The following HSD11B1L variants were observed in gnomAD, a reference collection of about 807,000 sequenced individuals.
HSD11B1L encodes hydroxysteroid 11-beta-dehydrogenase 1-like protein.
Under a neutral mutation model 27.0 loss-of-function variants are expected in HSD11B1L, and 22 were observed. The observed-to-expected ratio is 0.81, with a 90% confidence interval of 0.58 to 1.16. The LOEUF is 1.16. HSD11B1L is among the 50% of genes most tolerant of loss of function. HSD11B1L has a pLI of 0.00. For synonymous variants in HSD11B1L, 187 were observed against 189.2 expected (o/e 0.99, Z 0.09); for missense variants, 372 against 401.8 (o/e 0.93, Z 0.63).
chr19:5,682,683 A>G (rs1438823800), intron 1 of HSD11B1L, among the ~76,000 whole-genome samples: 1 of 152,018 alleles, frequency 6.6e-6, no homozygotes, highest in Non-Finnish European at 1.5e-5. Flanking sequence ...CACCCAGAAG[A>G]CAGCAGAGGC....
In HSD11B1L at chr19:5,683,617, C is replaced by G. The variant is rs191800245; in HGVS notation, c.-14-1202C>G. 2.0e-5 allele frequency among the ~76,000 whole-genome samples: 3 copies of G among 152,296 alleles called. No homozygotes were observed. In the East Asian group the frequency reaches 5.8e-4, roughly 29 times the overall value. On this transcript the variant is annotated intron_variant, in intron 1 of 7. Transcript: ENST00000339423. The stretch of plus-strand genomic sequence containing the variant: ...AGTAACAAATGGTCCTTGGGCTGGG[C>G]ACGGTGGTTCACACCTGTAATCCCA...
Position 5,685,187 on chromosome 19 carries a change from A to G in HSD11B1L, c.204+68A>G. On this transcript the variant is annotated intron_variant, in intron 3 of 7. Transcript: ENST00000339423. This position sits in a 1 kb window ranked among gnomAD's most constrained non-coding sequence, Gnocchi z 4.3. The stretch of plus-strand genomic sequence containing the variant: ...GGGGGTGGGAAGAGAGCCTGGGTTT[A>G]ATCCCTGCAATGATCCAGGCTTCCC... The G allele has an allele frequency of 1.3e-6, 2 of 1,515,284 alleles. No homozygotes were observed. Among genetic ancestry groups the G allele is most frequent in the South Asian group, 2.4e-5 (2 of 83,636 alleles). 93.9% of individuals were successfully genotyped at this position (1,515,284 alleles called of 1,614,324 possible).
Position 5,687,417 on chromosome 19 carries a change from G to A in HSD11B1L, c.502+42G>A, listed in dbSNP as rs1599429628. 2.5e-6 allele frequency: 4 copies of A among 1,604,918 alleles called. 1 individual carries two copies. The South Asian group carries it at 3.3e-5, about 13-fold the overall frequency. On this transcript the variant is annotated intron_variant, in intron 6 of 7. Transcript: ENST00000339423. This position sits in a 1 kb window ranked among gnomAD's most constrained non-coding sequence, Gnocchi z 6.6. ...CCGGCTCTGCGGGACGGGGAGTGGGGAGCTCGATGCGGGTGAGCCTGGAGG... is the reference window on the plus strand; with the variant it reads ...CCGGCTCTGCGGGACGGGGAGTGGGAAGCTCGATGCGGGTGAGCCTGGAGG...
intron 1 of HSD11B1L, among the ~76,000 whole-genome samples, chr19:5,681,568 A>G (rs2054547301): frequency 6.6e-6 from 1 of 150,594 alleles, no homozygotes; most frequent in Admixed American, 6.6e-5. Flanking sequence ...CCTTCCACTC[A>G]TCCATCTGTC....
chr19:5,686,618 A>C, intron 4 of HSD11B1L, 91 bp downstream of exon 4: 2 of 1,005,600 alleles, frequency 2.0e-6, no homozygotes, highest in African/African-American at 1.6e-5. Flanking sequence ...TGGCCACAGT[A>C]ACAGGTGTCT....
At chr19:5,684,415 A>G in intron 1 of HSD11B1L, 1 of 366,772 alleles carries the variant, frequency 2.7e-6, no homozygotes, top group Non-Finnish European at 4.9e-6. Context: ...ACAGCCCACG[A>G]GAAGGCCCTG....
At position 5,687,639 on chromosome 19, in the gene HSD11B1L, A is replaced by AGATCGCGCCTCCGC. The variant is rs1568302937; in HGVS notation, c.640_653dup (p.Ala219IlefsTer27). ...TCACCATGTGCGTCCTGGGCCTCCG[A>AGATCGCGCCTCCGC]GATCGCGCCTCCGCCGCCGAGGCAG... On this transcript the variant is annotated frameshift_variant, in exon 7 of 8. Coordinates refer to ENST00000339423, the MANE Select transcript of HSD11B1L (RefSeq NM_198706.3). LOFTEE classifies it high-confidence loss of function. The surrounding 1 kb of genome is among the most constrained non-coding windows in gnomAD (Gnocchi z 6.6). 1.3e-6 allele frequency: 2 copies of AGATCGCGCCTCCGC among 1,594,012 alleles called. No homozygotes were observed. The highest frequency in any genetic ancestry group is 8.5e-7 in the Non-Finnish European group (1 of 1,176,122).
intron 4 of HSD11B1L, 108 bp downstream of exon 4, chr19:5,686,635 G>T: frequency 2.3e-6 from 2 of 867,208 alleles, no homozygotes; most frequent in Non-Finnish European, 3.5e-6. Context: ...GTCTCAGGGC[G>T]GAGACAAATG....
intron 1 of HSD11B1L, 134 bp from the exon 2 acceptor site, chr19:5,684,685 C>G: frequency 6.9e-7 from 1 of 1,444,098 alleles, no homozygotes; most frequent in Non-Finnish European, 9.3e-7. Flanking sequence ...CCGTGGTGGC[C>G]TGGACAGGTG....
intron 1 of HSD11B1L, chr19:5,683,904 A>C (rs2054619117): frequency 3.5e-6 from 1 of 286,902 alleles, no homozygotes; most frequent in Non-Finnish European, 6.3e-6. Flanking sequence ...AAAAATAAAA[A>C]AAAATAAAAA....
Position 5,686,488 on chromosome 19 carries a change from G to C in HSD11B1L, c.277G>C (p.Ala93Pro). 6.3e-7 allele frequency: 1 copy of C among 1,585,230 alleles called. No homozygotes were observed. Among genetic ancestry groups the C allele is most frequent in the Non-Finnish European group, 8.6e-7 (1 of 1,167,490 alleles). The change falls in exon 4 of 8, where the codon GCG (alanine) becomes CCG (proline). Residue 93 changes from alanine to proline, a missense_variant. By Grantham distance (27) the Ala-to-Pro change is conservative. Coordinates refer to ENST00000339423, the MANE Select transcript of HSD11B1L (RefSeq NM_198706.3). The stretch of plus-strand genomic sequence containing the variant: ...CGCGGCGGACATGGCCTCCCCTGAG[G>C]CGCCCGAGAGCGTGGTGCAGTTTGC... ...YIAADMASPEAPESVVQFALD... is the reference protein window; with the variant it reads ...YIAADMASPEPPESVVQFALD...
rs774596804 is a variant in HSD11B1L at position 5,687,568 on chromosome 19, GGCTCCCTGCGGCGGGAGCTGGA to G, written c.569_590del (p.Gly190AlafsTer5). ...CAAGTTTGCGCTGGACGGCTTCTTC[GGCTCCCTGCGGCGGGAGCTGGA>G]CGTGCAGGACGTGAACGTGGCCATC... On this transcript the variant is annotated frameshift_variant, in exon 7 of 8. Transcript: ENST00000339423. LOFTEE classifies it high-confidence loss of function. The surrounding 1 kb of genome is among the most constrained non-coding windows in gnomAD (Gnocchi z 6.6). 1 of 1,599,888 alleles carries G rather than the reference GGCTCCCTGCGGCGGGAGCTGGA, an allele frequency of 6.3e-7. No homozygotes were observed. The highest frequency in any genetic ancestry group is 2.2e-5 in the East Asian group (1 of 44,840).
In HSD11B1L at chr19:5,687,347, C is replaced by T. The variant is rs916757463; in HGVS notation, c.474C>T (p.Gly158=). 2 of 1,612,652 alleles carry T rather than the reference C, an allele frequency of 1.2e-6. No homozygotes were observed. Among genetic ancestry groups the T allele is most frequent in the Non-Finnish European group, 1.7e-6 (2 of 1,179,770 alleles). Residue 158 remains glycine, a synonymous_variant, in exon 6 of 8, where the codon GGC becomes GGT. Coordinates refer to ENST00000339423, the MANE Select transcript of HSD11B1L (RefSeq NM_198706.3). This position sits in a 1 kb window ranked among gnomAD's most constrained non-coding sequence, Gnocchi z 6.6. The stretch of plus-strand genomic sequence containing the variant: ...TGCCCAGCCTGACGGACAGCAAGGG[C>T]TCCCTGGTGGTGGTGTCCTCGCTGC... ...RALPSLTDSK[G]SLVVVSSLLG...
At position 5,685,441 on chromosome 19, in the gene HSD11B1L, G is replaced by T. The variant is rs1304003826; in HGVS notation, c.204+322G>T. 4.7e-6 allele frequency: 2 copies of T among 426,758 alleles called. No homozygotes were observed. Among genetic ancestry groups the T allele is most frequent in the Admixed American group, 5.8e-5 (2 of 34,638 alleles). 26.4% of individuals were successfully genotyped at this position (426,758 alleles called of 1,614,324 possible). ...GAAGACAAAAATTAGGCCAGGCATG[G>T]TGGCTCATGCCTGTAATCCTAGCAC... is the stretch of plus-strand genomic sequence containing the variant. On this transcript the variant is annotated intron_variant, in intron 3 of 7. Transcript: ENST00000339423. This position sits in a 1 kb window ranked among gnomAD's most constrained non-coding sequence, Gnocchi z 4.3.
At chr19:5,683,414 T>C (rs1305027015) in intron 1 of HSD11B1L, among the ~76,000 whole-genome samples, 1 of 152,102 alleles carries the variant, frequency 6.6e-6, no homozygotes, top group Non-Finnish European at 1.5e-5. Flanking sequence ...TCCTCACCTC[T>C]CGCCTCCCAC....
At chr19:5,683,695 C>T (rs2054613469) in intron 1 of HSD11B1L, among the ~76,000 whole-genome samples, 1 of 152,108 alleles carries the variant, frequency 6.6e-6, no homozygotes, top group Non-Finnish European at 1.5e-5. Flanking sequence ...AGTTCAAAAT[C>T]AGCCTGGGCA....
chr19:5,681,555 C>G (rs1462413770), intron 1 of HSD11B1L, among the ~76,000 whole-genome samples: 1 of 151,882 alleles, frequency 6.6e-6, no homozygotes, highest in Non-Finnish European at 1.5e-5. Flanking sequence ...CTGCTCCCCC[C>G]ATCCTTCCAC....
At chr19:5,683,641 C>A (rs1014444073) in intron 1 of HSD11B1L, among the ~76,000 whole-genome samples, 3 of 152,142 alleles carry the variant, frequency 2.0e-5, no homozygotes, top group African/African-American at 7.2e-5. Flanking sequence ...CCTGTAATCC[C>A]AGCACTTTGG....
intron 1 of HSD11B1L, among the ~76,000 whole-genome samples, chr19:5,683,745 A>T (rs2054614835): frequency 6.6e-6 from 1 of 151,936 alleles, no homozygotes; most frequent in African/African-American, 2.4e-5. Context: ...TACGATGATT[A>T]GTTGGGTGTG....
Sources: gnomAD v4.1 joint callset for allele counts (sites outside exome capture counted in the v4.1 genomes callset) on GRCh38, gnomAD v4.1.1 for gene constraint, Gnocchi (gnomAD v3.1) non-coding constraint, MANE v1.5 for transcripts, NCBI Gene and HGNC (gene_info 2026-07-23, HGNC 2026-07-21) for gene names.